Variants in PCYT1B observed in about 807,000 individuals in gnomAD.
PCYT1B encodes choline-phosphate cytidylyltransferase B.
Under a neutral mutation model 26.4 loss-of-function variants are expected in PCYT1B, and 10 were observed. The ratio of observed to expected loss-of-function variants is 0.38; its 90% CI spans 0.23 to 0.64. PCYT1B has a LOEUF of 0.64. Ranked by LOEUF, PCYT1B falls within the 30% of genes least tolerant of loss-of-function variation. PCYT1B has a pLI of 0.56. For synonymous variants in PCYT1B, 131 were observed against 108.4 expected, an observed-to-expected ratio of 1.21 and a Z score of -1.29; for missense variants, 161 against 292.7, an observed-to-expected ratio of 0.55 and a Z score of 3.28.
At chrX:24,568,990 C>T (rs937046451) in intron 7 of PCYT1B, among the ~76,000 whole-genome samples, 23 of 110,775 alleles carry the variant, frequency 2.1e-4, no homozygotes, top group African/African-American at 7.2e-4. Flanking sequence ...GTCCCAGCTA[C>T]TCAGGAGGCT....
intron 1 of PCYT1B, among the ~76,000 whole-genome samples, chrX:24,655,521 G>A (rs1206256339): frequency 1.8e-5 from 2 of 112,327 alleles, no homozygotes; most frequent in Non-Finnish European, 3.8e-5. Context: ...AGTGGCTCAC[G>A]CCTGTAGTCC....
chrX:24,617,669 A>G (rs2148253312), intron 2 of PCYT1B, among the ~76,000 whole-genome samples: 1 of 109,951 alleles, frequency 9.1e-6, no homozygotes, highest in African/African-American at 3.3e-5. Flanking sequence ...GCTGGTCTGG[A>G]ACTCCTGACC....
chrX:24,569,848 T>C (rs567540797), intron 7 of PCYT1B, among the ~76,000 whole-genome samples: 6 of 111,410 alleles, frequency 5.4e-5, no homozygotes, highest in African/African-American at 2.0e-4. Flanking sequence ...TGCAGGACAA[T>C]GTGAATGCAA....
chrX:24,665,240 T>C (rs1927103299), intron 1 of PCYT1B, among the ~76,000 whole-genome samples: 2 of 111,912 alleles, frequency 1.8e-5, no homozygotes, highest in Non-Finnish European at 3.8e-5. Context: ...AAATGTTTAA[T>C]GTATGCATTT....
intron 3 of PCYT1B, among the ~76,000 whole-genome samples, chrX:24,599,446 G>C: frequency 9.0e-6 from 1 of 111,455 alleles, no homozygotes. Flanking sequence ...GAAAAAATAG[G>C]GATAAAATTG....
At chrX:24,670,100 GAAA>G (rs1190584963) in intron 1 of PCYT1B, among the ~76,000 whole-genome samples, 2,742 of 82,986 alleles carry the variant, frequency 0.033, 78 homozygotes, top group African/African-American at 0.068. Context: ...AAGAAAGAAA[GAAA>G]GAAAGAAAGA....
intron 3 of PCYT1B, among the ~76,000 whole-genome samples, chrX:24,598,440 T>TTTGA (rs1201002653): frequency 9.0e-6 from 1 of 110,582 alleles, no homozygotes; most frequent in East Asian, 2.8e-4. Flanking sequence ...TTCATATTTA[T>TTTGA]TTGATTATTC....
At chrX:24,574,056 A>G (rs993496014) in intron 7 of PCYT1B, among the ~76,000 whole-genome samples, 2 of 111,387 alleles carry the variant, frequency 1.8e-5, no homozygotes, top group Non-Finnish European at 3.8e-5. Context: ...CTTTTAGATA[A>G]TCCTATAATG....
At chrX:24,600,617 G>A (rs946868604) in intron 3 of PCYT1B, among the ~76,000 whole-genome samples, 8 of 110,746 alleles carry the variant, frequency 7.2e-5, no homozygotes, top group African/African-American at 2.0e-4. Flanking sequence ...GCAAAACCCT[G>A]TCTCTTAAAA....
At chrX:24,629,581 A>AAAAAC (rs1925994192) in intron 1 of PCYT1B, among the ~76,000 whole-genome samples, 3 of 99,805 alleles carry the variant, frequency 3.0e-5, no homozygotes, top group Admixed American at 1.1e-4. Context: ...AAAAAAAAAA[A>AAAAAC]AAAAAAAAAC....
chrX:24,590,125 A>T lies in PCYT1B; in HGVS notation c.384T>A (p.Asn128Lys). 8.3e-7 allele frequency: 1 copy of T among 1,209,348 alleles called. No homozygotes were observed. The highest frequency in any genetic ancestry group is 1.1e-6 in the Non-Finnish European group (1 of 893,623). The change falls in exon 4 of 8, where the codon AAT (asparagine) becomes AAA (lysine). Residue 128 changes from asparagine to lysine, a missense_variant. By Grantham distance (94) the Asn-to-Lys change is moderately conservative. Coordinates refer to ENST00000379144, the MANE Select transcript of PCYT1B (RefSeq NM_004845.5). ...TGAGAGCTTCGTATCTCTCGGCTTC[A>T]TTCATCACGGTGAAACCTTTGAATT... ...THKFKGFTVM[N>K]EAERYEALRH... is the part of the protein sequence containing the mutation.
At chrX:24,671,333 G>GAATCAATC (rs1183253276) in intron 1 of PCYT1B, among the ~76,000 whole-genome samples, 12 of 65,442 alleles carry the variant, frequency 1.8e-4, no homozygotes, top group African/African-American at 7.8e-4. Context: ...ATGAATGAAT[G>GAATCAATC]AATGAATGAA....
intron 1 of PCYT1B, among the ~76,000 whole-genome samples, chrX:24,623,600 A>T (rs1210186966): frequency 9.1e-6 from 1 of 110,236 alleles, no homozygotes; most frequent in Non-Finnish European, 1.9e-5. Context: ...TACAAGGTGA[A>T]TATGTTACCC....
At chrX:24,647,854 C>G (rs369496102), upstream of PCYT1B, among the ~76,000 whole-genome samples, 39 of 112,323 alleles carry the variant, frequency 3.5e-4, no homozygotes, top group African/African-American at 1.3e-3. Flanking sequence ...TGGTGTAGCC[C>G]TGGAGCCCTC....
Position 24,579,458 on chromosome X carries a change from C to T in PCYT1B, c.566G>A (p.Gly189Glu). The T allele has an allele frequency of 8.3e-7, 1 of 1,205,857 alleles. No individual in the cohort carries two copies. Among genetic ancestry groups the T allele is most frequent in the Non-Finnish European group, 1.1e-6 (1 of 891,022 alleles). The change falls in exon 6 of 8, where the codon GGG becomes GAG. Residue 189 changes from glycine (G) to glutamate (E), a missense_variant and splice_region_variant. Physicochemically the swap from Gly to Glu is moderately conservative, Grantham distance 98. This residue lies in a region of PCYT1B where 65 missense variants were observed against 145.0 expected (regional missense o/e 0.45). Coordinates refer to ENST00000379144, the MANE Select transcript of PCYT1B (RefSeq NM_004845.5). ...TGTTCTCTGCGTTGGAACGAACATC[C>T]CTGTTCAAGTAGAAAAGAGCGGATA... ...DDVYKHIKEAGMFVPTQRTEG... is the reference protein window; with the variant it reads ...DDVYKHIKEAEMFVPTQRTEG...
chrX:24,619,559 C>T (rs1173416750), intron 1 of PCYT1B, among the ~76,000 whole-genome samples: 4 of 111,937 alleles, frequency 3.6e-5, no homozygotes, highest in Non-Finnish European at 7.5e-5. Context: ...TAGACTCACC[C>T]ACACCCAGGA....
At chrX:24,663,170 ATTACT>A (rs1273823034) in intron 1 of PCYT1B, among the ~76,000 whole-genome samples, 5 of 112,399 alleles carry the variant, frequency 4.4e-5, no homozygotes, top group Admixed American at 3.8e-4. Flanking sequence ...AATAAAAAAA[ATTACT>A]TTAAGAAGGA....
chrX:24,571,389 A>T (rs12009804), intron 7 of PCYT1B, among the ~76,000 whole-genome samples: 1,343 of 111,370 alleles, frequency 0.012, 10 homozygotes, highest in Non-Finnish European at 0.018. Context: ...AATAAATAAA[A>T]ATAAATAAGT....
At chrX:24,563,874 A>T (rs1340475981) in intron 7 of PCYT1B, among the ~76,000 whole-genome samples, 1 of 111,553 alleles carries the variant, frequency 9.0e-6, no homozygotes, top group Non-Finnish European at 1.9e-5. Context: ...GAGCCCACTT[A>T]TGAGCCCGTT....
Sources: allele counts gnomAD v4.1 joint callset (sites outside exome capture counted in the v4.1 genomes callset), GRCh38; gene constraint gnomAD v4.1.1; regional missense constraint gnomAD v4.1.1; transcripts MANE v1.5; gene names NCBI Gene and HGNC (gene_info 2026-07-23, HGNC 2026-07-21).